Variants in SHQ1 observed in about 807,000 individuals in gnomAD.
SHQ1 encodes the protein SHQ1, H/ACA ribonucleoprotein assembly factor.
A neutral mutation model predicts 53.8 loss-of-function variants in SHQ1; 49 were observed. The observed-to-expected ratio is 0.91, with a 90% CI of 0.72 to 1.16. The LOEUF is 1.16. SHQ1 is among the 50% of genes most tolerant of loss of function. The pLI is 0.00. For missense variants in SHQ1, 738 were observed against 683.1 expected (o/e 1.08, Z -0.90); for synonymous variants, 243 against 251.0 (o/e 0.97, Z 0.30).
chr3:72,751,499 T>TAC (rs1559657373), intron 10 of SHQ1, among the ~76,000 whole-genome samples: 10 of 92,500 alleles, frequency 1.1e-4, no homozygotes, highest in South Asian at 2.7e-4. Flanking sequence ...TGTGTGTGTG[T>TAC]GTGTGTGTGT....
chr3:72,751,236 C>A (rs1475230844), intron 10 of SHQ1, among the ~76,000 whole-genome samples: 2 of 151,920 alleles, frequency 1.3e-5, no homozygotes, highest in Non-Finnish European at 2.9e-5. Flanking sequence ...CATGGTGAAA[C>A]CCTGTCTCTA....
the SHQ1 span, among the ~76,000 whole-genome samples, chr3:72,725,470 C>T: frequency 6.6e-6 from 1 of 152,108 alleles, no homozygotes; most frequent in Non-Finnish European, 1.5e-5. Flanking sequence ...TTTCTTGTCC[C>T]CTCATCTCCT....
At chr3:72,730,782 A>G in the SHQ1 span, among the ~76,000 whole-genome samples, 1 of 149,090 alleles carries the variant, frequency 6.7e-6, no homozygotes, top group African/African-American at 2.5e-5. Flanking sequence ...AAATGTGTCA[A>G]TCTCTCTCTC....
intron 5 of SHQ1, among the ~76,000 whole-genome samples, chr3:72,827,489 A>G (rs1169685842): frequency 6.6e-6 from 1 of 152,020 alleles, no homozygotes; most frequent in Non-Finnish European, 1.5e-5. Flanking sequence ...GATGAAGGGA[A>G]AAAGAAAACT....
the SHQ1 span, among the ~76,000 whole-genome samples, chr3:72,743,320 G>A: frequency 2.2e-3 from 336 of 152,320 alleles, 2 homozygotes; most frequent in African/African-American, 7.6e-3. Flanking sequence ...GCACTGCCCA[G>A]AGGGGGTACT....
At chr3:72,727,726 A>G in the SHQ1 span, among the ~76,000 whole-genome samples, 1 of 152,150 alleles carries the variant, frequency 6.6e-6, no homozygotes, top group African/African-American at 2.4e-5. Flanking sequence ...AGGCACAGAC[A>G]ATCTCTTGAG....
intron 10 of SHQ1, among the ~76,000 whole-genome samples, chr3:72,775,943 A>C (rs1705950667): frequency 2.0e-5 from 3 of 152,228 alleles, no homozygotes; most frequent in Admixed American, 2.0e-4. Context: ...AAAATGTTGA[A>C]AGCATTTTCT....
At chr3:72,773,811 T>A (rs1160968905) in intron 10 of SHQ1, among the ~76,000 whole-genome samples, 1 of 152,194 alleles carries the variant, frequency 6.6e-6, no homozygotes, top group Non-Finnish European at 1.5e-5. Flanking sequence ...TCAACCTGCA[T>A]AACGACAAGA....
At chr3:72,742,862 G>C in the SHQ1 span, among the ~76,000 whole-genome samples, 4 of 152,048 alleles carry the variant, frequency 2.6e-5, no homozygotes, top group East Asian at 7.7e-4. Flanking sequence ...GCTGAGCTCA[G>C]TCCTCGGCTT....
chr3:72,729,457 C>T, the SHQ1 span, among the ~76,000 whole-genome samples: 1 of 152,154 alleles, frequency 6.6e-6, no homozygotes, highest in Non-Finnish European at 1.5e-5. Context: ...CCAGGAAACA[C>T]ACGCCTATAG....
At chr3:72,828,599 C>A (rs569344094) in intron 5 of SHQ1, among the ~76,000 whole-genome samples, 4 of 151,936 alleles carry the variant, frequency 2.6e-5, no homozygotes, top group Admixed American at 6.6e-5. Context: ...GAGGCTGAGG[C>A]GGGAGAATGA....
rs1207403318 is a variant in SHQ1, at chr3:72,824,454, T to C, written c.697A>G (p.Ser233Gly). ...GTAGCATGATTTTCTTGTTCCTGAC[T>C]CTTTTCCAAAAAGGCCATCATTTTT... Reference protein sequence around the residue: ...YSKMMAFLEKSQEQENHATLV... With the variant: ...YSKMMAFLEKGQEQENHATLV... Residue 233 changes from serine (S) to glycine (G), a missense_variant, in exon 6 of 11, where the codon AGT (serine) becomes GGT (glycine). By Grantham distance (56) the Ser-to-Gly change is moderately conservative. Coordinates refer to ENST00000325599, the MANE Select transcript of SHQ1 (RefSeq NM_018130.3). 6.2e-7 allele frequency: 1 copy of C among 1,612,250 alleles called. No homozygotes were observed. Among genetic ancestry groups the C allele is most frequent in the African/African-American group, 1.3e-5 (1 of 75,004 alleles).
rs761840255 is a variant in SHQ1, at chr3:72,835,106, CTTTTTTTT to C, written c.487-2633_487-2626del. Among the ~76,000 whole-genome samples, 18 of 130,798 alleles carry C rather than the reference CTTTTTTTT, an allele frequency of 1.4e-4. 1 individual carries two copies. Among genetic ancestry groups the C allele is most frequent in the Admixed American group, 3.9e-4 (5 of 12,920 alleles). 85.8% of individuals were successfully genotyped at this position (130,798 alleles called of 152,430 possible). A position where few individuals can be genotyped will look rare whatever the true frequency, so the allele number is the denominator to read the frequency against. ...CATAATACCATTCCTCCATCAGCTT[CTTTTTTTT>C]TTTTTTTTTTGAGACAGAGTATCCA... On this transcript the variant is annotated intron_variant, in intron 4 of 10. Transcript: ENST00000325599.
chr3:72,830,356 A>C (rs1268851269), intron 5 of SHQ1, among the ~76,000 whole-genome samples: 1 of 152,072 alleles, frequency 6.6e-6, no homozygotes, highest in Non-Finnish European at 1.5e-5. Flanking sequence ...ACAAATAGGT[A>C]ATATTATGCT....
chr3:72,726,039 A>T, the SHQ1 span, among the ~76,000 whole-genome samples: 24 of 152,270 alleles, frequency 1.6e-4, no homozygotes, highest in African/African-American at 5.1e-4. Flanking sequence ...AGGCCAAGGC[A>T]GGAGGATTGC....
At chr3:72,742,613 T>G in the SHQ1 span, among the ~76,000 whole-genome samples, 1 of 134,020 alleles carries the variant, frequency 7.5e-6, no homozygotes, top group Non-Finnish European at 1.6e-5. Context: ...TTTTTTTTCT[T>G]TTTTTCTTTT....
At chr3:72,727,630 T>A in the SHQ1 span, among the ~76,000 whole-genome samples, 1 of 152,336 alleles carries the variant, frequency 6.6e-6, no homozygotes, top group East Asian at 1.9e-4. Context: ...TTTTGTTTTG[T>A]TTTCAATCGC....
At chr3:72,747,944 A>G (rs139879959), downstream of SHQ1, among the ~76,000 whole-genome samples, 816 of 152,014 alleles carry the variant, frequency 5.4e-3, 8 homozygotes, top group African/African-American at 0.019. Context: ...AGCTGAGATC[A>G]TATCACTGCA....
chr3:72,841,952 T>C (rs1395458138), intron 3 of SHQ1, among the ~76,000 whole-genome samples: 1 of 152,200 alleles, frequency 6.6e-6, no homozygotes, highest in Non-Finnish European at 1.5e-5. Flanking sequence ...GGATCAGTAC[T>C]GGTCTGCAAC....
Sources: allele counts gnomAD v4.1 joint callset (sites outside exome capture counted in the v4.1 genomes callset), GRCh38; gene constraint gnomAD v4.1.1; transcripts MANE v1.5; gene names NCBI Gene and HGNC (gene_info 2026-07-23, HGNC 2026-07-21).